The following CDK6 variants were observed in gnomAD, a reference collection of about 807,000 sequenced individuals.
The protein encoded by CDK6 is cyclin dependent kinase 6.
A neutral mutation model predicts 37.1 loss-of-function variants in CDK6; 6 were observed. The observed-to-expected ratio is 0.16, with a 90% CI of 0.09 to 0.32. CDK6 has a LOEUF of 0.32. Ranked by LOEUF, CDK6 falls within the 10% of genes least tolerant of loss-of-function variation. The pLI, the probability that CDK6 is intolerant of heterozygous loss-of-function variation, is 1.00. For synonymous variants in CDK6, 160 were observed against 161.3 expected (o/e 0.99, Z 0.06); for missense variants, 224 against 418.9 (o/e 0.53, Z 4.06).
chr7:92,750,469 T>C (rs1357513666), intron 3 of CDK6, among the ~76,000 whole-genome samples: 2 of 152,242 alleles, frequency 1.3e-5, no homozygotes, highest in East Asian at 3.9e-4. Context: ...GATTCCACTT[T>C]GATCAACCTT....
chr7:92,664,618 C>T (rs970417124), intron 5 of CDK6, among the ~76,000 whole-genome samples: 5 of 152,074 alleles, frequency 3.3e-5, no homozygotes, highest in Non-Finnish European at 7.4e-5. Flanking sequence ...AATCAGGAAG[C>T]CTTGTTTGTT....
chr7:92,683,318 C>T (rs1401995367), intron 4 of CDK6, among the ~76,000 whole-genome samples: 2 of 152,286 alleles, frequency 1.3e-5, no homozygotes, highest in East Asian at 3.9e-4. Context: ...CTCTAAGGTC[C>T]GTGCCTTCTT....
At chr7:92,819,205 A>C (rs1801108089) in intron 2 of CDK6, among the ~76,000 whole-genome samples, 1 of 152,100 alleles carries the variant, frequency 6.6e-6, no homozygotes, top group African/African-American at 2.4e-5. Flanking sequence ...AATTGTGGTA[A>C]ATCCATATAA....
intron 5 of CDK6, among the ~76,000 whole-genome samples, chr7:92,644,041 T>C (rs952107217): frequency 1.3e-5 from 2 of 152,170 alleles, no homozygotes; most frequent in African/African-American, 2.4e-5. Context: ...ACAGGGAGAA[T>C]GGAAGGCAAA....
chr7:92,651,805 C>T (rs1457440999), intron 5 of CDK6, among the ~76,000 whole-genome samples: 2 of 147,974 alleles, frequency 1.4e-5, no homozygotes, highest in Non-Finnish European at 1.5e-5. Context: ...GCTGTTAACT[C>T]TCTAGTGGTG....
intron 4 of CDK6, among the ~76,000 whole-genome samples, chr7:92,707,295 A>G (rs1448986460): frequency 1.3e-5 from 2 of 152,198 alleles, no homozygotes; most frequent in African/African-American, 2.4e-5. Context: ...CAGAGAGGCT[A>G]AAGAACTTAT....
intron 3 of CDK6, among the ~76,000 whole-genome samples, chr7:92,773,081 A>C (rs529287878): frequency 6.6e-6 from 1 of 152,344 alleles, no homozygotes; most frequent in Non-Finnish European, 1.5e-5. Context: ...ACTTACATCT[A>C]AAGAAAGCTT....
At chr7:92,761,512 A>G (rs377547388) in intron 3 of CDK6, among the ~76,000 whole-genome samples, 68 of 152,286 alleles carry the variant, frequency 4.5e-4, no homozygotes, top group African/African-American at 1.5e-3. Flanking sequence ...GTTACCTCTG[A>G]ACAGTATCTC....
chr7:92,764,710 G>A (rs1456591544), intron 3 of CDK6, among the ~76,000 whole-genome samples: 2 of 152,176 alleles, frequency 1.3e-5, no homozygotes, highest in Non-Finnish European at 2.9e-5. Context: ...TATGGGGTTT[G>A]CAAGGCTTCA....
chr7:92,734,342 T>C (rs1398560070), intron 3 of CDK6, among the ~76,000 whole-genome samples: 1 of 152,158 alleles, frequency 6.6e-6, no homozygotes, highest in Non-Finnish European at 1.5e-5. Context: ...GTACTCTCTG[T>C]CTAGACTGAA....
At chr7:92,750,692 C>T (rs959021228) in intron 3 of CDK6, among the ~76,000 whole-genome samples, 2 of 152,144 alleles carry the variant, frequency 1.3e-5, no homozygotes, top group African/African-American at 4.8e-5. Flanking sequence ...TCCTAGTCAC[C>T]TTTTGAGACC....
chr7:92,736,194 T>C (rs1322094708), intron 3 of CDK6, among the ~76,000 whole-genome samples: 1 of 152,048 alleles, frequency 6.6e-6, no homozygotes, highest in African/African-American at 2.4e-5. Flanking sequence ...TATATTTATA[T>C]ATGATTATGT....
chr7:92,654,338 C>T (rs1265783346), intron 5 of CDK6, among the ~76,000 whole-genome samples: 3 of 151,598 alleles, frequency 2.0e-5, no homozygotes, highest in East Asian at 1.9e-4. Flanking sequence ...TGTTACTTTA[C>T]CCTATCTAGT....
chr7:92,766,383 G>C lies in CDK6; in HGVS notation c.369+8313C>G, dbSNP rs189527161. ...ACTGTGAAGGAAAGCAAAAAATCAA[G>C]AATTATGCCTAAACTTGGGGCTCAA... On this transcript the variant is annotated intron_variant, in intron 3 of 7. Transcript: ENST00000424848. Among the ~76,000 whole-genome samples, 3 of 152,280 alleles carry C rather than the reference G, an allele frequency of 2.0e-5. No individual in the cohort carries two copies. The East Asian group carries it at 5.8e-4, about 29-fold the overall frequency.
At chr7:92,830,291 C>G (rs1195041025) in intron 2 of CDK6, among the ~76,000 whole-genome samples, 2 of 152,206 alleles carry the variant, frequency 1.3e-5, no homozygotes, top group Non-Finnish European at 1.5e-5. Context: ...CCAGCAATAA[C>G]AAGTCAGCTT....
chr7:92,726,574 C>A (rs1220766237), intron 3 of CDK6, among the ~76,000 whole-genome samples: 3 of 151,878 alleles, frequency 2.0e-5, no homozygotes, highest in Non-Finnish European at 4.4e-5. Flanking sequence ...CCATGCTAGG[C>A]TAATGTTTTT....
At chr7:92,814,768 G>A (rs992552322) in intron 2 of CDK6, among the ~76,000 whole-genome samples, 3 of 152,050 alleles carry the variant, frequency 2.0e-5, no homozygotes, top group Admixed American at 6.5e-5. Flanking sequence ...AAAATAAACA[G>A]AAATAAGGTG....
intron 4 of CDK6, chr7:92,710,641 A>C (rs1798068021): frequency 1.1e-6 from 1 of 932,788 alleles, no homozygotes; most frequent in South Asian, 4.9e-5. Flanking sequence ...AAATCTGAAG[A>C]TTCTAGCTTT....
chr7:92,732,347 G>A (rs1252126857), intron 3 of CDK6, among the ~76,000 whole-genome samples: 1 of 152,210 alleles, frequency 6.6e-6, no homozygotes, highest in Non-Finnish European at 1.5e-5. Flanking sequence ...AGCCTGGGAG[G>A]TTGAGGCTGC....
Sources: gnomAD v4.1 joint callset for allele counts (sites outside exome capture counted in the v4.1 genomes callset) on GRCh38, gnomAD v4.1.1 for gene constraint, MANE v1.5 for transcripts, NCBI Gene and HGNC (gene_info 2026-07-23, HGNC 2026-07-21) for gene names.